The following CFAP77 variants were observed in gnomAD, a reference collection of about 807,000 sequenced individuals.
CFAP77 encodes the protein cilia and flagella associated protein 77, also known as cilia- and flagella-associated protein 77.
In CFAP77, 25 loss-of-function variants were observed where a neutral mutation model predicts 31.1. The ratio of observed to expected loss-of-function variants is 0.80; its 90% CI spans 0.59 to 1.12. CFAP77 has a LOEUF of 1.12. CFAP77 is among the 50% of genes most tolerant of loss of function. The probability of loss-of-function intolerance (pLI) is 0.00; values close to 1 mark genes in which losing one functional copy is unlikely to be tolerated. For synonymous variants in CFAP77, 151 were observed against 159.9 expected (o/e 0.94, Z 0.42); for missense variants, 377 against 397.3 (o/e 0.95, Z 0.44).
chr9:132,416,912 C>T (rs1850111893), intron 1 of CFAP77, among the ~76,000 whole-genome samples: 1 of 152,124 alleles, frequency 6.6e-6, no homozygotes, highest in Admixed American at 6.5e-5. Flanking sequence ...GCTGGGATTA[C>T]AGGTGTGAGC....
In CFAP77 at chr9:132,497,987, G is replaced by A. The variant is rs2118957887; in HGVS notation, c.196-708G>A. Among the ~76,000 whole-genome samples, 1 of 152,248 alleles carries A rather than the reference G, an allele frequency of 6.6e-6. No homozygotes were observed. Among genetic ancestry groups the A allele is most frequent in the East Asian group, 1.9e-4 (1 of 5,166 alleles). Reference sequence around the variant, plus strand: ...CCAGCGCTTGGGGGCCGGGGATATCGACCCTGCCTCTCTAGGCCTCAGTTT... The same window carrying A: ...CCAGCGCTTGGGGGCCGGGGATATCAACCCTGCCTCTCTAGGCCTCAGTTT... On this transcript the variant is annotated intron_variant, in intron 1 of 5. Transcript: ENST00000393216. The surrounding 1 kb of genome is among the most constrained non-coding windows in gnomAD (Gnocchi z 4.9).
At chr9:132,431,985 A>G (rs1023960113) in intron 1 of CFAP77, among the ~76,000 whole-genome samples, 5 of 152,260 alleles carry the variant, frequency 3.3e-5, no homozygotes, top group African/African-American at 1.2e-4. Context: ...CGAGATTCCT[A>G]AAAATTAACA....
In CFAP77 at chr9:132,498,714, G is replaced by A. The variant is rs771075808; in HGVS notation, c.215G>A (p.Arg72Gln). Residue 72 changes from arginine (R) to glutamine (Q), a missense_variant, in exon 2 of 6, where the codon CGG becomes CAG. Coordinates refer to ENST00000393216, the MANE Select transcript of CFAP77 (RefSeq NM_001282957.2). The surrounding 1 kb of genome is among the most constrained non-coding windows in gnomAD (Gnocchi z 4.2). ...LIVKAELGKP[R>Q]ERSYSLPGIN... Reference sequence around the variant, plus strand: ...CGACAGGCTGAACTCGGCAAGCCCCGGGAAAGAAGCTACAGTCTGCCCGGC... The same window carrying A: ...CGACAGGCTGAACTCGGCAAGCCCCAGGAAAGAAGCTACAGTCTGCCCGGC... 22 of 1,611,994 alleles carry A rather than the reference G, an allele frequency of 1.4e-5. No individual in the cohort carries two copies. Among genetic ancestry groups the A allele is most frequent in the African/African-American group, 2.7e-5 (2 of 75,050 alleles).
In CFAP77 at chr9:132,542,999, G is replaced by A. The variant is rs1313017525; in HGVS notation, c.684G>A (p.Lys228=). The A allele has an allele frequency of 7.4e-6, 12 of 1,614,024 alleles. No homozygotes were observed. Among genetic ancestry groups the A allele is most frequent in the Non-Finnish European group, 9.3e-6 (11 of 1,180,036 alleles). Residue 228 remains lysine (K), a synonymous_variant, in exon 5 of 6, where the codon AAG becomes AAA. Transcript: ENST00000393216. ...ETRSSQLRKY[K]PPVKLDTLWH... ...GGAGCAGTCAGCTGAGGAAGTACAA[G>A]CCGCCCGTGAAGCTGGACACCCTCT...
chr9:132,525,628 G>A (rs1331281916), intron 3 of CFAP77, among the ~76,000 whole-genome samples: 1 of 151,504 alleles, frequency 6.6e-6, no homozygotes, highest in Non-Finnish European at 1.5e-5. Context: ...ATGTGTGTAT[G>A]TGTGTGTGTG....
intron 1 of CFAP77, among the ~76,000 whole-genome samples, chr9:132,448,697 C>T (rs1850769503): frequency 6.6e-6 from 1 of 152,208 alleles, no homozygotes; most frequent in South Asian, 2.1e-4. Flanking sequence ...AGCGATTCTC[C>T]TGCCTCAGCC....
intron 5 of CFAP77, among the ~76,000 whole-genome samples, chr9:132,568,907 C>T (rs551582498): frequency 6.6e-6 from 1 of 152,248 alleles, no homozygotes; most frequent in South Asian, 2.1e-4. Context: ...ACCATGCTGC[C>T]TAGGCTGGTC....
intron 1 of CFAP77, among the ~76,000 whole-genome samples, chr9:132,496,833 G>A (rs1306721859): frequency 6.6e-6 from 1 of 152,212 alleles, no homozygotes; most frequent in Non-Finnish European, 1.5e-5. Context: ...GGAAAAAGAA[G>A]GTAATAGGAG....
chr9:132,411,878 C>G (rs919763466), intron 1 of CFAP77, among the ~76,000 whole-genome samples: 12 of 152,142 alleles, frequency 7.9e-5, no homozygotes, highest in African/African-American at 2.7e-4. Context: ...CACACACACA[C>G]ACACACACAC....
intron 5 of CFAP77, among the ~76,000 whole-genome samples, chr9:132,559,196 T>A (rs1188207302): frequency 6.6e-6 from 1 of 150,878 alleles, no homozygotes; most frequent in Admixed American, 6.6e-5. Flanking sequence ...TACAAAAAAA[T>A]TAGCTGGGTG....
At chr9:132,466,252 A>G (rs1851149217) in intron 1 of CFAP77, among the ~76,000 whole-genome samples, 1 of 152,084 alleles carries the variant, frequency 6.6e-6, no homozygotes, top group Non-Finnish European at 1.5e-5. Context: ...ATTTTTTTAA[A>G]TGCCCCTTGA....
chr9:132,571,070 G>GT (rs1402927173), intron 5 of CFAP77, among the ~76,000 whole-genome samples: 1 of 151,652 alleles, frequency 6.6e-6, no homozygotes, highest in Non-Finnish European at 1.5e-5. Flanking sequence ...TTCTTCTTCT[G>GT]TCACCTTTCT....
Position 132,501,519 on chromosome 9 carries a change from C to T in CFAP77, c.524+1919C>T, listed in dbSNP as rs1031306059. Reference sequence around the variant, plus strand: ...CCAGGTTCCAGTGATTCTCCTGCCTCAGCCTCCCGAGTAGCTGGGACTACA... The same window carrying T: ...CCAGGTTCCAGTGATTCTCCTGCCTTAGCCTCCCGAGTAGCTGGGACTACA... On this transcript the variant is annotated intron_variant, in intron 3 of 5. Transcript: ENST00000393216. This position sits in a 1 kb window ranked among gnomAD's most constrained non-coding sequence, Gnocchi z 4.6. Among the ~76,000 whole-genome samples, 2 of 152,066 alleles carry T rather than the reference C, an allele frequency of 1.3e-5. No homozygotes were observed. The highest frequency in any genetic ancestry group is 2.9e-5 in the Non-Finnish European group (2 of 68,026).
intron 5 of CFAP77, among the ~76,000 whole-genome samples, chr9:132,551,575 C>T (rs548349016): frequency 6.6e-6 from 1 of 152,340 alleles, no homozygotes; most frequent in East Asian, 1.9e-4. Context: ...GGATTACAGG[C>T]ATGAGCCACC....
chr9:132,560,702 T>A (rs1197788727), intron 5 of CFAP77, among the ~76,000 whole-genome samples: 13 of 152,204 alleles, frequency 8.5e-5, no homozygotes, highest in Non-Finnish European at 1.6e-4. Context: ...CTGGGTGTCC[T>A]TGGGCCGGTG....
intron 5 of CFAP77, among the ~76,000 whole-genome samples, chr9:132,558,519 A>AGG (rs976899272): frequency 1.3e-5 from 2 of 152,140 alleles, no homozygotes; most frequent in African/African-American, 4.8e-5. Context: ...AGCCTGGCCA[A>AGG]CGTGGTGAAA....
chr9:132,443,357 G>A (rs567301020), intron 1 of CFAP77, among the ~76,000 whole-genome samples: 3 of 151,510 alleles, frequency 2.0e-5, no homozygotes, highest in African/African-American at 4.8e-5. Context: ...GGGTTCAAGC[G>A]ATTCTCCTGC....
At position 132,490,439 on chromosome 9, in the gene CFAP77, C is replaced by G. The variant is rs765817374; in HGVS notation, c.196-8256C>G. 6.6e-6 allele frequency among the ~76,000 whole-genome samples: 1 copy of G among 152,142 alleles called. No homozygotes were observed. The highest frequency in any genetic ancestry group is 1.5e-5 in the Non-Finnish European group (1 of 68,018). ...CGGGGTCAGGAGCTCGTTTGAGTGC[C>G]TCTCCCTGTAGGTTCTTAACAGGCT... On this transcript the variant is annotated intron_variant, in intron 1 of 5. Transcript: ENST00000393216. This position sits in a 1 kb window ranked among gnomAD's most constrained non-coding sequence, Gnocchi z 4.6.
intron 1 of CFAP77, among the ~76,000 whole-genome samples, chr9:132,449,744 A>G (rs1377370216): frequency 6.6e-6 from 1 of 152,182 alleles, no homozygotes; most frequent in Non-Finnish European, 1.5e-5. Context: ...TAACTTTGCA[A>G]GGTTCTGCGA....
Sources: gnomAD v4.1 joint callset for allele counts (sites outside exome capture counted in the v4.1 genomes callset) on GRCh38, gnomAD v4.1.1 for gene constraint, Gnocchi (gnomAD v3.1) non-coding constraint, MANE v1.5 for transcripts, NCBI Gene and HGNC (gene_info 2026-07-23, HGNC 2026-07-21) for gene names.